VPS13D: variants seen among roughly 807,000 people sequenced by gnomAD.
The protein encoded by VPS13D is vacuolar protein sorting 13 homolog D.
Under a neutral mutation model 461.9 loss-of-function variants are expected in VPS13D, and 187 were observed. The observed-to-expected ratio is 0.40, with a 90% confidence interval of 0.36 to 0.46. VPS13D has a LOEUF of 0.46. Among genes scored for constraint, VPS13D ranks in the 20% least tolerant of loss-of-function variants. The probability of loss-of-function intolerance (pLI) is 0.60; values close to 1 mark genes in which losing one functional copy is unlikely to be tolerated. For synonymous variants in VPS13D, 1,951 were observed against 1,986.3 expected (o/e 0.98, Z 0.47); for missense variants, 4,711 against 5,364.9 (o/e 0.88, Z 3.81).
chr1:12,324,052 G>C (rs1643114836), intron 35 of VPS13D, among the ~76,000 whole-genome samples: 1 of 152,084 alleles, frequency 6.6e-6, no homozygotes, highest in African/African-American at 2.4e-5. Flanking sequence ...GGGTTTATAG[G>C]CATGCGTCAC....
chr1:12,395,994 G>GAT (rs761986156), intron 60 of VPS13D, among the ~76,000 whole-genome samples: 3 of 38,194 alleles, frequency 7.9e-5, no homozygotes, highest in Non-Finnish European at 1.6e-4. Context: ...GAACTAATAG[G>GAT]AGATATATAT....
intron 46 of VPS13D, among the ~76,000 whole-genome samples, chr1:12,353,532 CAAAAAAAAAAA>C (rs79787458): frequency 2.7e-5 from 1 of 36,370 alleles, no homozygotes; most frequent in Non-Finnish European, 5.7e-5. Context: ...GACTGCATCT[CAAAAAAAAAAA>C]AAAAAAAAAA....
At chr1:12,244,503 T>A (rs546054108) in intron 4 of VPS13D, 34 bp from the exon 5 acceptor site, 2 of 1,613,656 alleles carry the variant, frequency 1.2e-6, no homozygotes, top group Non-Finnish European at 1.7e-6. Context: ...GCAAGAACAC[T>A]AGATTGAGCT....
chr1:12,385,020 A>G (rs1394536655), intron 58 of VPS13D, among the ~76,000 whole-genome samples: 6 of 152,204 alleles, frequency 3.9e-5, no homozygotes, highest in African/African-American at 1.4e-4. Flanking sequence ...TCATCTGCAG[A>G]TATCTAACCC....
rs1317701960 is a variant in VPS13D at position 12,271,071 on chromosome 1, A to G, written c.2050A>G (p.Thr684Ala). The G allele has an allele frequency of 6.2e-7, 1 of 1,613,986 alleles. No individual in the cohort carries two copies. The highest frequency in any genetic ancestry group is 8.5e-7 in the Non-Finnish European group (1 of 1,179,962). ...ACAATATAACAAGCTGAAGATGCAG[A>G]CCAAGGCAGAAATCCGGCAAACTCT... ...RRQYNKLKMQ[T>A]KAEIRQTLDR... The change falls in exon 17 of 70, where the codon ACC (threonine) becomes GCC (alanine). Residue 684 changes from threonine (T) to alanine (A), a missense_variant. By Grantham distance (58) the Thr-to-Ala change is moderately conservative. Around this residue, in one of 3 missense-constraint regions of VPS13D, gnomAD observed 4,411 missense variants for 4,937.8 expected, o/e 0.89. Transcript: ENST00000620676.
intron 38 of VPS13D, 150 bp downstream of exon 38, chr1:12,333,516 C>A: frequency 1.1e-6 from 1 of 928,196 alleles, no homozygotes; most frequent in East Asian, 2.8e-5. Context: ...ACCCTAATAG[C>A]CTCTTGATTC....
intron 67 of VPS13D, among the ~76,000 whole-genome samples, chr1:12,477,341 T>G (rs1330461101): frequency 6.6e-6 from 1 of 152,168 alleles, no homozygotes; most frequent in Non-Finnish European, 1.5e-5. Flanking sequence ...CATTTCAGAC[T>G]TCCAAAATTC....
Position 12,324,843 on chromosome 1 carries a change from G to C in VPS13D, c.7990+1063G>C, listed in dbSNP as rs151018895. Reference sequence around the variant, plus strand: ...TTTTTGCATCCTCTTCACAGCCCTTGGAGGCAGACATTATTATTCCCACTT... The same window carrying C: ...TTTTTGCATCCTCTTCACAGCCCTTCGAGGCAGACATTATTATTCCCACTT... On this transcript the variant is annotated intron_variant, in intron 35 of 69. Transcript: ENST00000620676. Among the ~76,000 whole-genome samples the C allele has an allele frequency of 9.9e-5, 15 of 152,244 alleles. No individual in the cohort carries two copies. In the East Asian group the frequency reaches 2.9e-3, roughly 29 times the overall value.
intron 67 of VPS13D, among the ~76,000 whole-genome samples, chr1:12,472,423 T>TGAAA (rs1400732820): frequency 3.9e-5 from 6 of 152,212 alleles, no homozygotes. Context: ...TTCACCTCAC[T>TGAAA]CCAGGCCTAT....
chr1:12,257,866 G>A, intron 9 of VPS13D, 69 bp from the exon 10 acceptor site: 1 of 1,579,402 alleles, frequency 6.3e-7, no homozygotes, highest in Non-Finnish European at 8.7e-7. Flanking sequence ...TATGTGGATT[G>A]TCCTGGATTG....
Position 12,313,299 on chromosome 1 carries a change from C to CTT in VPS13D, c.6936-791_6936-790dup, listed in dbSNP as rs765170972. Among the ~76,000 whole-genome samples the CTT allele has an allele frequency of 5.7e-4, 67 of 117,582 alleles. 1 individual carries two copies. Among genetic ancestry groups the CTT allele is most frequent in the Admixed American group, 7.9e-4 (9 of 11,334 alleles). 77.1% of individuals were successfully genotyped at this position (117,582 alleles called of 152,430 possible). A position where few individuals can be genotyped will look rare whatever the true frequency, so the allele number is the denominator to read the frequency against. The stretch of plus-strand genomic sequence containing the variant: ...TGTGAGCTAGCAATTTTATTCTTTC[C>CTT]TTTTTTTTTTTTTTTTTTTTTTTTT... On this transcript the variant is annotated intron_variant, in intron 29 of 69. Coordinates refer to ENST00000620676, the MANE Select transcript of VPS13D (RefSeq NM_015378.4).
intron 1 of VPS13D, among the ~76,000 whole-genome samples, chr1:12,233,338 C>A (rs575048100): frequency 6.6e-6 from 1 of 152,160 alleles, no homozygotes; most frequent in Non-Finnish European, 1.5e-5. Flanking sequence ...CAATCTCTTA[C>A]GGCATTTTCT....
In VPS13D at chr1:12,362,828, A is replaced by G. The variant is rs757842783; in HGVS notation, c.10250A>G (p.Gln3417Arg). 5.0e-6 allele frequency: 8 copies of G among 1,614,060 alleles called. No individual in the cohort carries two copies. The highest frequency in any genetic ancestry group is 2.2e-5 in the East Asian group (1 of 44,902). ...TCATCTCACAAGCTTGCATTTGCAC[A>G]GAGGGAATTTGCCAGGGGACAGGTG... ...NKSSHKLAFA[Q>R]REFARGQGTA... The change falls in exon 51 of 70, where the codon CAG becomes CGG. Residue 3417 changes from glutamine to arginine, a missense_variant. Physicochemically the swap from Gln to Arg is conservative, Grantham distance 43. Coordinates refer to ENST00000620676, the MANE Select transcript of VPS13D (RefSeq NM_015378.4).
intron 2 of VPS13D, among the ~76,000 whole-genome samples, chr1:12,236,230 A>G (rs1324602814): frequency 6.6e-6 from 1 of 152,164 alleles, no homozygotes. Flanking sequence ...TTATGGATCC[A>G]AAGCACATCA....
Position 12,348,879 on chromosome 1 carries a change from A to G in VPS13D, c.9126A>G (p.Ala3042=). ...TTGCAGTGACTATGGAAGGCAGTGC[A>G]CGGAAAGTCATCACTGTCCGGTCAG... ...VVFAVTMEGS[A]RKVITVRSAL... is the part of the protein sequence containing the mutation. Residue 3042 remains alanine, a synonymous_variant, in exon 45 of 70, where the codon GCA becomes GCG. Coordinates refer to ENST00000620676, the MANE Select transcript of VPS13D (RefSeq NM_015378.4). 6.2e-7 allele frequency: 1 copy of G among 1,614,212 alleles called. No individual in the cohort carries two copies.
At position 12,369,582 on chromosome 1, in the gene VPS13D, C is replaced by G. The variant is rs756435023; in HGVS notation, c.10688C>G (p.Thr3563Ser). The change falls in exon 54 of 70, where the codon ACT becomes AGT. Residue 3563 changes from threonine (T) to serine (S), a missense_variant. Coordinates refer to ENST00000620676, the MANE Select transcript of VPS13D (RefSeq NM_015378.4). Reference sequence around the variant, plus strand: ...GAACCCACCTTGCCACCTTTTATCACTCTGACTGTTAAAGGGGCAGGGTCC... The same window carrying G: ...GAACCCACCTTGCCACCTTTTATCAGTCTGACTGTTAAAGGGGCAGGGTCC... Reference protein sequence around the residue: ...WDEPTLPPFITLTVKGAGSSE... With the variant: ...WDEPTLPPFISLTVKGAGSSE... 2.1e-5 allele frequency: 34 copies of G among 1,614,072 alleles called. No individual in the cohort carries two copies. The highest frequency in any genetic ancestry group is 4.0e-5 in the African/African-American group (3 of 74,926).
chr1:12,458,267 C>CA lies in VPS13D; in HGVS notation c.12467-1932dup, dbSNP rs1258135987. Among the ~76,000 whole-genome samples, 3 of 152,340 alleles carry CA rather than the reference C, an allele frequency of 2.0e-5. No homozygotes were observed. The East Asian group carries it at 5.8e-4, about 29-fold the overall frequency. The stretch of plus-strand genomic sequence containing the variant: ...AAGGTGATAAGAACCAGAATCCACT[C>CA]AATCCCCTTGATGTAAGAAATGGGA... On this transcript the variant is annotated intron_variant, in intron 66 of 69. Transcript: ENST00000620676.
At chr1:12,488,522 G>T (rs1358273216) in intron 67 of VPS13D, among the ~76,000 whole-genome samples, 1 of 146,400 alleles carries the variant, frequency 6.8e-6, no homozygotes, top group Non-Finnish European at 1.5e-5. Flanking sequence ...TCAACTTTGG[G>T]AGAAGGTAGA....
intron 67 of VPS13D, among the ~76,000 whole-genome samples, chr1:12,477,825 G>A (rs1036030957): frequency 5.9e-5 from 9 of 152,078 alleles, no homozygotes; most frequent in African/African-American, 2.2e-4. Flanking sequence ...AATAAGACCA[G>A]CTAGTAACCA....
Sources: allele counts gnomAD v4.1 joint callset (sites outside exome capture counted in the v4.1 genomes callset), GRCh38; gene constraint gnomAD v4.1.1; regional missense constraint gnomAD v4.1.1; transcripts MANE v1.5; gene names NCBI Gene and HGNC (gene_info 2026-07-23, HGNC 2026-07-21).